LIFR: variants seen among roughly 807,000 people sequenced by gnomAD.
LIFR encodes leukemia inhibitory factor receptor.
LIFR carries 84 observed loss-of-function variants against 122.2 expected under a neutral mutation model. The ratio of observed to expected loss-of-function variants is 0.69; its 90% CI spans 0.58 to 0.82. The LOEUF is 0.82. Among genes scored for constraint, LIFR ranks in the 40% least tolerant of loss-of-function variants. LIFR has a pLI of 0.00. For missense variants in LIFR, 1,294 were observed against 1,311.6 expected (o/e 0.99, Z 0.21); for synonymous variants, 422 against 434.7 (o/e 0.97, Z 0.36).
intron 1 of LIFR, among the ~76,000 whole-genome samples, chr5:38,590,701 G>C (rs1046223210): frequency 6.6e-6 from 1 of 152,154 alleles, no homozygotes; most frequent in Non-Finnish European, 1.5e-5. Flanking sequence ...CTCTTTGCAA[G>C]TATTATCCCA....
At chr5:38,586,003 C>A (rs768625266) in intron 1 of LIFR, among the ~76,000 whole-genome samples, 2 of 152,002 alleles carry the variant, frequency 1.3e-5, no homozygotes, top group South Asian at 2.1e-4. Flanking sequence ...GCAACTAAGC[C>A]GAGTGTAGCA....
chr5:38,558,840 C>A (rs1002224640), upstream of LIFR: 2 of 152,184 alleles, frequency 1.3e-5, no homozygotes, highest in Admixed American at 6.5e-5. Context: ...ATAATCAAGT[C>A]ATTTCTCTCC....
chr5:38,525,801 A>G (rs1452310007), intron 4 of LIFR, among the ~76,000 whole-genome samples: 1 of 152,230 alleles, frequency 6.6e-6, no homozygotes, highest in Non-Finnish European at 1.5e-5. Context: ...GCTTCCAAGA[A>G]CACAGCTATT....
At chr5:38,528,524 C>T in intron 3 of LIFR, 3 of 608,046 alleles carry the variant, frequency 4.9e-6, no homozygotes, top group Non-Finnish European at 9.0e-6. Context: ...AGACTCTGTC[C>T]CCTCTTCTCA....
chr5:38,525,571 G>A (rs1746637138), intron 4 of LIFR, among the ~76,000 whole-genome samples: 1 of 152,182 alleles, frequency 6.6e-6, no homozygotes, highest in Non-Finnish European at 1.5e-5. Flanking sequence ...GTTTAGGGCT[G>A]TACAGGACAC....
Position 38,503,990 on chromosome 5 carries a change from A to G in LIFR, c.1423T>C (p.Ser475Pro), listed in dbSNP as rs201691063. ...LCEIEIKKSN[S>P]VQEQRNVTIK... Reference sequence around the variant, plus strand: ...GAGAATCTTACCTGCTCTTGTACTGAATTAGATTTCTTAATTTCAATTTCA... The same window carrying G: ...GAGAATCTTACCTGCTCTTGTACTGGATTAGATTTCTTAATTTCAATTTCA... Residue 475 changes from serine to proline, a missense_variant, in exon 10 of 20, where the codon TCA becomes CCA. Transcript: ENST00000453190. 1.3e-6 allele frequency: 2 copies of G among 1,575,964 alleles called. No homozygotes were observed. The highest frequency in any genetic ancestry group is 2.7e-5 in the African/African-American group (2 of 74,072).
At position 38,511,972 on chromosome 5, in the gene LIFR, T is replaced by G. The variant is rs759459579; in HGVS notation, c.562-8A>C. 1 of 1,613,710 alleles carries G rather than the reference T, an allele frequency of 6.2e-7. No homozygotes were observed. Among genetic ancestry groups the G allele is most frequent in the Admixed American group, 1.7e-5 (1 of 60,000 alleles). ...AGTTGTGTTGTGGGTCACCTAAAAA[T>G]GAACACAAACACAAAACTGTATTTC... is the stretch of plus-strand genomic sequence containing the variant. On this transcript the variant is annotated splice_polypyrimidine_tract_variant and splice_region_variant and intron_variant, in intron 5 of 19. Coordinates refer to ENST00000453190, the MANE Select transcript of LIFR (RefSeq NM_001127671.2).
At chr5:38,599,061 A>AC (rs1379409924), upstream of LIFR, among the ~76,000 whole-genome samples, 2 of 152,148 alleles carry the variant, frequency 1.3e-5, no homozygotes, top group Non-Finnish European at 2.9e-5. Flanking sequence ...CCTTATCTAG[A>AC]CCTATGGCCA....
chr5:38,594,208 A>C (rs938342430), intron 1 of LIFR, among the ~76,000 whole-genome samples: 2 of 152,174 alleles, frequency 1.3e-5, no homozygotes, highest in African/African-American at 4.8e-5. Flanking sequence ...TGTGCAAAGA[A>C]AAAAGTGTAC....
Position 38,523,472 on chromosome 5 carries a change from C to T in LIFR, c.508G>A (p.Val170Ile). The T allele has an allele frequency of 1.2e-6, 2 of 1,613,526 alleles. No individual in the cohort carries two copies. Among genetic ancestry groups the T allele is most frequent in the Non-Finnish European group, 1.7e-6 (2 of 1,179,754 alleles). The change falls in exon 5 of 20, where the codon GTT becomes ATT. Residue 170 changes from valine (V) to isoleucine (I), a missense_variant. Val to Ile is a conservative substitution (Grantham distance 29). Transcript: ENST00000453190. ...RGSVFPHRSN[V>I]IWEIKVLRKE... ...CGTAGAACTTTAATTTCCCAGATAA[C>T]ATTTGAGCGGTGTGGAAAAACTGAA...
At position 38,484,868 on chromosome 5, in the gene LIFR, G is replaced by A; in HGVS notation, c.2498C>T (p.Ser833Phe). 6.2e-7 allele frequency: 1 copy of A among 1,605,390 alleles called. No homozygotes were observed. The highest frequency in any genetic ancestry group is 8.5e-7 in the Non-Finnish European group (1 of 1,172,402). ...KSMYVVTKENSVGLIIAILIP... is the reference protein window; with the variant it reads ...KSMYVVTKENFVGLIIAILIP... ...GAGAATGGCAATAATTAATCCCACA[G>A]CTGAAACGAGAGTATTGCAAATATT... Residue 833 changes from serine to phenylalanine, a missense_variant and splice_region_variant, in exon 18 of 20, where the codon TCT becomes TTT. By Grantham distance (155) the Ser-to-Phe change is radical (BLOSUM62 -2). Transcript: ENST00000453190.
chr5:38,514,219 A>C (rs1335325055), intron 5 of LIFR, among the ~76,000 whole-genome samples: 4 of 152,176 alleles, frequency 2.6e-5, no homozygotes, highest in African/African-American at 4.8e-5. Context: ...TCTCAAAAAA[A>C]AGGAGAAGAC....
At chr5:38,565,324 TATC>T (rs1748983687) in intron 1 of LIFR, among the ~76,000 whole-genome samples, 1 of 151,894 alleles carries the variant, frequency 6.6e-6, no homozygotes, top group Admixed American at 6.6e-5. Flanking sequence ...AAGGGGGAAA[TATC>T]ATGAAAAAGA....
chr5:38,597,440 C>G (rs979596311), upstream of LIFR, among the ~76,000 whole-genome samples: 2 of 152,156 alleles, frequency 1.3e-5, no homozygotes. Flanking sequence ...TGCCATCTCT[C>G]TGGGGAGGAA....
intron 1 of LIFR, among the ~76,000 whole-genome samples, chr5:38,552,532 A>T (rs1172234431): frequency 6.6e-6 from 1 of 152,182 alleles, no homozygotes. Context: ...CCACACACAA[A>T]AGGCATCTTT....
Position 38,508,354 on chromosome 5 carries a change from A to C in LIFR, c.992-1722T>G, listed in dbSNP as rs1283270576. 2.0e-5 allele frequency among the ~76,000 whole-genome samples: 3 copies of C among 152,300 alleles called. No homozygotes were observed. In the East Asian group the frequency reaches 5.8e-4, roughly 29 times the overall value. On this transcript the variant is annotated intron_variant, in intron 7 of 19. Coordinates refer to ENST00000453190, the MANE Select transcript of LIFR (RefSeq NM_001127671.2). ...AGGAAAAAATTTACCAAAAGACATA[A>C]AGACCTCATATTAAGATGAATTAAA...
intron 1 of LIFR, among the ~76,000 whole-genome samples, chr5:38,587,767 A>T (rs1749798162): frequency 6.6e-6 from 1 of 152,220 alleles, no homozygotes; most frequent in Admixed American, 6.5e-5. Flanking sequence ...CTAGATTCCC[A>T]CCTTTTGCTC....
intron 1 of LIFR, among the ~76,000 whole-genome samples, chr5:38,570,713 C>T (rs1169704668): frequency 2.0e-5 from 3 of 152,256 alleles, no homozygotes; most frequent in South Asian, 2.1e-4. Context: ...TACTTAATAA[C>T]GTTAGCCAAT....
intron 12 of LIFR, 95 bp downstream of exon 12, chr5:38,499,418 G>T (rs1745058221): frequency 1.2e-6 from 1 of 844,474 alleles, no homozygotes; most frequent in Non-Finnish European, 2.0e-6. Context: ...AAGCCAGTCT[G>T]GGAAGTTTCA....
Sources: gnomAD v4.1 joint callset for allele counts (sites outside exome capture counted in the v4.1 genomes callset) on GRCh38, gnomAD v4.1.1 for gene constraint, MANE v1.5 for transcripts, NCBI Gene and HGNC (gene_info 2026-07-23, HGNC 2026-07-21) for gene names.